The following NSD1 variants were observed in gnomAD, a reference collection of about 807,000 sequenced individuals.
The protein encoded by NSD1 is nuclear receptor binding SET domain protein 1, also known as histone-lysine N-methyltransferase, H3 lysine-36 specific.
NSD1 carries 26 observed loss-of-function variants against 242.7 expected under a neutral mutation model. The ratio of observed to expected loss-of-function variants is 0.11; its 90% confidence interval spans 0.08 to 0.15. The LOEUF is 0.15. NSD1 is among the 10% of genes least tolerant of loss of function. The pLI, the probability that NSD1 is intolerant of heterozygous loss-of-function variation, is 1.00. For missense variants in NSD1, 2,495 were observed against 3,272.8 expected (o/e 0.76, Z 5.80); for synonymous variants, 1,106 against 1,178.1 (o/e 0.94, Z 1.25).
chr5:177,177,403 G>A (rs1035882729), intron 2 of NSD1, among the ~76,000 whole-genome samples: 1 of 151,998 alleles, frequency 6.6e-6, no homozygotes, highest in Non-Finnish European at 1.5e-5. Context: ...CCAGCTGCTC[G>A]GGAGGCTGAG....
In NSD1 at chr5:177,133,843, A is replaced by AG. The variant is rs1756052370; in HGVS notation, c.-121dup. On this transcript the variant is annotated 5_prime_UTR_variant, in exon 1 of 23. Transcript: ENST00000439151. This position sits in a 1 kb window ranked among gnomAD's most constrained non-coding sequence, Gnocchi z 6.2. ...CTCCCCTGAAGAGAGACGCGGGGGGAGGGGGGTGCGGCGAGCGGCCCCGCT... is the reference window on the plus strand; with the variant it reads ...CTCCCCTGAAGAGAGACGCGGGGGGAGGGGGGGTGCGGCGAGCGGCCCCGCT... The AG allele has an allele frequency of 7.2e-6, 1 of 138,572 alleles. No homozygotes were observed. The highest frequency in any genetic ancestry group is 2.7e-5 in the African/African-American group (1 of 36,464). The allele number at this position is 138,572 out of a possible 1,614,324, so 8.6% of individuals were successfully genotyped here. A position where few individuals can be genotyped will look rare whatever the true frequency, so the allele number is the denominator to read the frequency against.
chr5:177,298,890 GAT>G lies in NSD1; in HGVS notation c.*3433_*3434del, dbSNP rs1450575874. Reference sequence around the variant, plus strand: ...TGGATTTTACTAAGGTTTTTTAAATGATACTGTCATCCTCTTGGGGTTTATCA... The same window carrying G: ...TGGATTTTACTAAGGTTTTTTAAATGACTGTCATCCTCTTGGGGTTTATCA... On this transcript the variant is annotated 3_prime_UTR_variant, in exon 23 of 23. Coordinates refer to ENST00000439151, the MANE Select transcript of NSD1 (RefSeq NM_022455.5). 1 of 232,996 alleles carries G rather than the reference GAT, an allele frequency of 4.3e-6. No individual in the cohort carries two copies. Among genetic ancestry groups the G allele is most frequent in the Non-Finnish European group, 8.5e-6 (1 of 117,956 alleles). The allele number at this position is 232,996 out of a possible 1,614,324, so 14.4% of individuals were successfully genotyped here. A position where few individuals can be genotyped will look rare whatever the true frequency, so the allele number is the denominator to read the frequency against.
At chr5:177,239,593 C>T (rs867635733) in intron 7 of NSD1, among the ~76,000 whole-genome samples, 163 bp from the exon 8 acceptor site, 40 of 152,294 alleles carry the variant, frequency 2.6e-4, no homozygotes, top group Admixed American at 7.2e-4. Context: ...GTTTTGTTTA[C>T]TAATATTTTA....
chr5:177,140,777 C>T (rs1371447939), intron 2 of NSD1, among the ~76,000 whole-genome samples: 1 of 152,006 alleles, frequency 6.6e-6, no homozygotes, highest in African/African-American at 2.4e-5. Flanking sequence ...TTGGGGGCTA[C>T]CTGATCTGGA....
chr5:177,179,507 G>T (rs1382290780), intron 2 of NSD1, among the ~76,000 whole-genome samples: 1 of 152,184 alleles, frequency 6.6e-6, no homozygotes. Flanking sequence ...GAGCCACTGT[G>T]CCCAGCTAGT....
chr5:177,175,777 T>C (rs561634840), intron 2 of NSD1, among the ~76,000 whole-genome samples: 24 of 152,206 alleles, frequency 1.6e-4, no homozygotes, highest in Non-Finnish European at 3.1e-4. Flanking sequence ...AGAGTAGTTT[T>C]ATTAATAAAA....
chr5:177,265,290 C>T, intron 14 of NSD1: 4 of 652,936 alleles, frequency 6.1e-6, no homozygotes, highest in Non-Finnish European at 1.1e-5. Flanking sequence ...AAAAAAAAAG[C>T]AAAAGTCAGC....
intron 2 of NSD1, among the ~76,000 whole-genome samples, chr5:177,186,004 T>TTATATTA (rs1273170471): frequency 2.0e-5 from 2 of 102,334 alleles, no homozygotes; most frequent in South Asian, 2.7e-4. Context: ...ATTATATAAT[T>TTATATTA]TATATTATAT....
intron 2 of NSD1, among the ~76,000 whole-genome samples, chr5:177,157,951 C>A (rs1462229199): frequency 6.6e-6 from 1 of 152,198 alleles, no homozygotes; most frequent in Non-Finnish European, 1.5e-5. Flanking sequence ...TTCCATTTTA[C>A]TGCTGAATAT....
intron 2 of NSD1, among the ~76,000 whole-genome samples, chr5:177,161,374 CA>C (rs950325610): frequency 1.3e-4 from 19 of 143,668 alleles, no homozygotes; most frequent in South Asian, 4.4e-4. Context: ...GATGCTGTCT[CA>C]AAAAAAAAAA....
intron 2 of NSD1, among the ~76,000 whole-genome samples, chr5:177,149,668 G>A (rs1447182046): frequency 6.6e-6 from 1 of 152,090 alleles, no homozygotes; most frequent in Non-Finnish European, 1.5e-5. Flanking sequence ...GCATTAGTTA[G>A]AATCTCATAA....
chr5:177,190,761 C>T (rs1337409403), intron 2 of NSD1, among the ~76,000 whole-genome samples: 3 of 151,660 alleles, frequency 2.0e-5, no homozygotes, highest in Admixed American at 6.6e-5. Context: ...GCTCCGCCTC[C>T]TGGGTTCACG....
intron 17 of NSD1, 103 bp downstream of exon 17, chr5:177,273,887 T>C (rs748823411): frequency 5.2e-6 from 4 of 771,266 alleles, no homozygotes; most frequent in African/African-American, 1.7e-5. Flanking sequence ...ATAGTTCGTT[T>C]TAGGTAGAGG....
At chr5:177,137,212 C>T in intron 2 of NSD1, 1 of 307,012 alleles carries the variant, frequency 3.3e-6, no homozygotes, top group East Asian at 5.2e-5. Context: ...CTATAAGATT[C>T]CTTCAGCTTT....
At chr5:177,241,203 A>AG (rs1361660482) in intron 8 of NSD1, among the ~76,000 whole-genome samples, 3 of 152,066 alleles carry the variant, frequency 2.0e-5, no homozygotes, top group Admixed American at 2.0e-4. Flanking sequence ...TTACCAAAAA[A>AG]TTGCTGATAT....
intron 5 of NSD1, among the ~76,000 whole-genome samples, chr5:177,234,479 G>A (rs898127568): frequency 1.3e-5 from 2 of 152,226 alleles, no homozygotes; most frequent in African/African-American, 2.4e-5. Flanking sequence ...CACTTTGGGA[G>A]GCCAAGGCGG....
At chr5:177,190,965 CCTTTTTTTTTTTTTT>C (rs1380874994) in intron 2 of NSD1, among the ~76,000 whole-genome samples, 36 of 123,830 alleles carry the variant, frequency 2.9e-4, no homozygotes, top group South Asian at 1.6e-3. Flanking sequence ...CTGCACCCAG[CCTTTTTTTTTTTTTT>C]CTTTTTTTTT....
At position 177,210,501 on chromosome 5, in the gene NSD1, A is replaced by G. The variant is rs377623197; in HGVS notation, c.2102A>G (p.Lys701Arg). ...ATNTRVKAKQ[K>R]PLISNSHTDH... ...AACACTAGGGTAAAAGCAAAACAGA[A>G]GCCTCTCATTAGTAACTCACATACA... is the stretch of plus-strand genomic sequence containing the variant. The change falls in exon 5 of 23, where the codon AAG (lysine) becomes AGG (arginine). Residue 701 changes from lysine (K) to arginine (R), a missense_variant. By Grantham distance (26) the Lys-to-Arg change is conservative (BLOSUM62 2). Around this residue, in one of 19 missense-constraint regions of NSD1, gnomAD observed 515 missense variants for 467.0 expected, o/e 1.10. Transcript: ENST00000439151. 1 of 1,614,094 alleles carries G rather than the reference A, an allele frequency of 6.2e-7. No individual in the cohort carries two copies. Among genetic ancestry groups the G allele is most frequent in the African/African-American group, 1.3e-5 (1 of 74,932 alleles).
chr5:177,285,271 T>C lies in NSD1; in HGVS notation c.6151+1343T>C, dbSNP rs185436534. On this transcript the variant is annotated intron_variant, in intron 20 of 22. Coordinates refer to ENST00000439151, the MANE Select transcript of NSD1 (RefSeq NM_022455.5). ...TCCAAATTGCATGCTTTTTTAAGTA[T>C]TAAAATTTGTGGCTGGGCGCGATGG... Among the ~76,000 whole-genome samples, 619 of 152,218 alleles carry C rather than the reference T, an allele frequency of 4.1e-3. 3 individuals carry two copies. Among genetic ancestry groups the C allele is most frequent in the Non-Finnish European group, 5.2e-3 (357 of 68,026 alleles).
Sources: gnomAD v4.1 joint callset for allele counts (sites outside exome capture counted in the v4.1 genomes callset) on GRCh38, gnomAD v4.1.1 for gene constraint, gnomAD v4.1.1 regional missense constraint, Gnocchi (gnomAD v3.1) non-coding constraint, MANE v1.5 for transcripts, NCBI Gene and HGNC (gene_info 2026-07-23, HGNC 2026-07-21) for gene names.